KCNH1: variants seen among roughly 807,000 people sequenced by gnomAD.
KCNH1 encodes voltage-gated delayed rectifier potassium channel KCNH1.
Under a neutral mutation model 69.2 loss-of-function variants are expected in KCNH1, and 27 were observed. That is an observed-to-expected ratio of 0.39 (90% confidence interval 0.29 to 0.54). The LOEUF (loss-of-function observed/expected upper bound fraction) is 0.54, where lower values mean the gene tolerates loss of function less well. Among genes scored for constraint, KCNH1 ranks in the 20% least tolerant of loss-of-function variants. KCNH1 has a pLI of 0.68. For synonymous variants in KCNH1, 456 were observed against 487.7 expected (o/e 0.93, Z 0.86); for missense variants, 798 against 1,261.6 (o/e 0.63, Z 5.57).
rs141255282 is a variant in KCNH1, at chr1:211,050,058, C to T, written c.559-30802G>A. Among the ~76,000 whole-genome samples, 265 of 152,040 alleles carry T rather than the reference C, an allele frequency of 1.7e-3. 1 individual carries two copies. Among genetic ancestry groups the T allele is most frequent in the Non-Finnish European group, 3.0e-3 (203 of 67,962 alleles). ...CACCCTCCATAAATACCACCATCAC[C>T]ATCATCTACAACTGCCTGAACATCT... On this transcript the variant is annotated intron_variant, in intron 5 of 10. Transcript: ENST00000271751.
intron 6 of KCNH1, among the ~76,000 whole-genome samples, chr1:211,013,430 C>T (rs1689435744): frequency 1.3e-5 from 2 of 152,174 alleles, no homozygotes; most frequent in South Asian, 4.1e-4. Flanking sequence ...AACCTCTCAC[C>T]CCTCAGCTGT....
intron 6 of KCNH1, among the ~76,000 whole-genome samples, chr1:210,966,691 G>T (rs1356824186): frequency 6.6e-6 from 1 of 152,158 alleles, no homozygotes; most frequent in Non-Finnish European, 1.5e-5. Flanking sequence ...ACTTAGAATG[G>T]CAATCATTAA....
At chr1:211,112,968 T>C (rs1191278914) in intron 1 of KCNH1, among the ~76,000 whole-genome samples, 1 of 152,218 alleles carries the variant, frequency 6.6e-6, no homozygotes, top group Non-Finnish European at 1.5e-5. Context: ...ACACCACATA[T>C]ATCATTAGGA....
chr1:210,738,108 C>T (rs1045541832), intron 10 of KCNH1, among the ~76,000 whole-genome samples: 2 of 152,110 alleles, frequency 1.3e-5, no homozygotes, highest in African/African-American at 4.8e-5. Context: ...CTCATTCACT[C>T]CCCCCGCAAC....
intron 6 of KCNH1, among the ~76,000 whole-genome samples, chr1:210,978,615 C>A (rs1688657508): frequency 6.6e-6 from 1 of 152,176 alleles, no homozygotes; most frequent in African/African-American, 2.4e-5. Flanking sequence ...TAACTTGCCT[C>A]AGCTAAATCT....
chr1:210,684,843 G>A (rs530909691), intron 10 of KCNH1, among the ~76,000 whole-genome samples: 1 of 152,264 alleles, frequency 6.6e-6, no homozygotes, highest in Non-Finnish European at 1.5e-5. Flanking sequence ...CAGGTCACAA[G>A]GCACTTTAAT....
rs1174703104 is a variant in KCNH1 at position 211,060,560 on chromosome 1, G to A, written c.558+22220C>T. Among the ~76,000 whole-genome samples, 3 of 150,072 alleles carry A rather than the reference G, an allele frequency of 2.0e-5. No homozygotes were observed. In the East Asian group the frequency reaches 5.8e-4, roughly 29 times the overall value. On this transcript the variant is annotated intron_variant, in intron 5 of 10. Coordinates refer to ENST00000271751, the MANE Select transcript of KCNH1 (RefSeq NM_172362.3). Reference sequence around the variant, plus strand: ...GAAATAAAAGCTGGTTTTTTGAAAAGAAAAAAATCAACAGAACTTTAGACT... The same window carrying A: ...GAAATAAAAGCTGGTTTTTTGAAAAAAAAAAAATCAACAGAACTTTAGACT...
chr1:211,024,418 G>A (rs1407770752), intron 5 of KCNH1, among the ~76,000 whole-genome samples: 2 of 152,162 alleles, frequency 1.3e-5, no homozygotes, highest in African/African-American at 4.8e-5. Context: ...GATATTATCA[G>A]GAAAAGAAAG....
At chr1:210,755,899 C>T (rs1234573687) in intron 10 of KCNH1, among the ~76,000 whole-genome samples, 1 of 152,190 alleles carries the variant, frequency 6.6e-6, no homozygotes, top group East Asian at 1.9e-4. Flanking sequence ...ACTATTCATA[C>T]ATCCTTAACT....
At chr1:211,132,252 A>C (rs956108186) in intron 1 of KCNH1, among the ~76,000 whole-genome samples, 1 of 152,220 alleles carries the variant, frequency 6.6e-6, no homozygotes, top group Middle Eastern at 3.2e-3. Context: ...CATACCCCTT[A>C]ATAGTCCAAT....
At chr1:211,004,160 C>G (rs776978958) in intron 6 of KCNH1, among the ~76,000 whole-genome samples, 1 of 152,002 alleles carries the variant, frequency 6.6e-6, no homozygotes, top group Non-Finnish European at 1.5e-5. Flanking sequence ...AAATATCTTT[C>G]AAGAATTAAA....
intron 5 of KCNH1, among the ~76,000 whole-genome samples, chr1:211,021,633 G>T (rs931352660): frequency 1.3e-5 from 2 of 151,574 alleles, no homozygotes; most frequent in African/African-American, 2.4e-5. Context: ...ATTCACTAAC[G>T]TTGCAGGATA....
chr1:210,913,371 T>C (rs75979910), intron 7 of KCNH1, among the ~76,000 whole-genome samples: 3 of 152,116 alleles, frequency 2.0e-5, no homozygotes, highest in Non-Finnish European at 1.5e-5. Context: ...CTTTTTTTTT[T>C]CTAATTACAG....
chr1:210,785,437 CAGGCTGG>C lies in KCNH1; in HGVS notation c.1916-9900_1916-9894del, dbSNP rs1417294251. Among the ~76,000 whole-genome samples the C allele has an allele frequency of 1.3e-4, 19 of 151,630 alleles. No individual in the cohort carries two copies. The South Asian group carries it at 4.0e-3, about 32-fold the overall frequency. On this transcript the variant is annotated intron_variant, in intron 9 of 10. Transcript: ENST00000271751. ...TGAGATAGAGTCTAGCTCTGTCACCCAGGCTGGAGTGCAGTGGTGCAATCTTGGCTCA... is the reference window on the plus strand; with the variant it reads ...TGAGATAGAGTCTAGCTCTGTCACCCAGTGCAGTGGTGCAATCTTGGCTCA...
intron 7 of KCNH1, among the ~76,000 whole-genome samples, chr1:210,895,608 A>G (rs1686848349): frequency 6.6e-6 from 1 of 152,286 alleles, no homozygotes; most frequent in South Asian, 2.1e-4. Context: ...CCTTGGCAAT[A>G]GAAGGCCTCT....
At chr1:210,830,872 A>G (rs894580806) in intron 7 of KCNH1, among the ~76,000 whole-genome samples, 19 of 152,196 alleles carry the variant, frequency 1.2e-4, no homozygotes, top group Admixed American at 1.2e-3. Context: ...TAAAAGACCA[A>G]TAAAACTGCC....
At chr1:210,875,649 A>G (rs192301196) in intron 7 of KCNH1, among the ~76,000 whole-genome samples, 6 of 152,180 alleles carry the variant, frequency 3.9e-5, no homozygotes, top group African/African-American at 1.2e-4. Flanking sequence ...TAAAAACACA[A>G]AAAATTAGCT....
chr1:210,748,710 G>A (rs1220016675), intron 10 of KCNH1, among the ~76,000 whole-genome samples: 1 of 152,176 alleles, frequency 6.6e-6, no homozygotes, highest in Non-Finnish European at 1.5e-5. Context: ...CATCAGTTCT[G>A]AGGTGCTTTT....
intron 1 of KCNH1, among the ~76,000 whole-genome samples, chr1:211,123,674 A>C (rs1691727117): frequency 6.6e-6 from 1 of 152,096 alleles, no homozygotes; most frequent in Admixed American, 6.5e-5. Context: ...GAGCGAGGGA[A>C]TGAAGGGACA....
Sources: gnomAD v4.1 joint callset for allele counts (sites outside exome capture counted in the v4.1 genomes callset) on GRCh38, gnomAD v4.1.1 for gene constraint, MANE v1.5 for transcripts, NCBI Gene and HGNC (gene_info 2026-07-23, HGNC 2026-07-21) for gene names.